Variants in STK32B observed in about 807,000 individuals in gnomAD.
STK32B encodes the protein serine/threonine kinase 32B.
In STK32B, 43 loss-of-function variants were observed where a neutral mutation model predicts 52.6. That is an observed-to-expected ratio of 0.82 (90% CI 0.64 to 1.05). STK32B has a LOEUF of 1.05. Ranked by LOEUF, STK32B falls within the 50% of genes least tolerant of loss-of-function variation. The probability of loss-of-function intolerance (pLI) is 0.00; values close to 1 mark genes in which losing one functional copy is unlikely to be tolerated. For synonymous variants in STK32B, 238 were observed against 204.3 expected (o/e 1.17, Z -1.41); for missense variants, 621 against 534.6 (o/e 1.16, Z -1.59).
chr4:5,360,822 A>G (rs1312176641), intron 4 of STK32B, among the ~76,000 whole-genome samples: 2 of 152,224 alleles, frequency 1.3e-5, no homozygotes, highest in Non-Finnish European at 2.9e-5. Flanking sequence ...AACAAAAACA[A>G]CAACAACAAA....
intron 1 of STK32B, among the ~76,000 whole-genome samples, chr4:5,115,610 C>T (rs1418316299): frequency 6.6e-6 from 1 of 151,144 alleles, no homozygotes; most frequent in Non-Finnish European, 1.5e-5. Context: ...CAGTTATCCA[C>T]ACAGGGAAAC....
chr4:5,095,942 T>C (rs544670539), intron 1 of STK32B, among the ~76,000 whole-genome samples: 5 of 152,338 alleles, frequency 3.3e-5, no homozygotes, highest in African/African-American at 1.2e-4. Context: ...AAGATTTAAG[T>C]GAAAAAGCTG....
At chr4:5,171,318 C>T (rs1291161757) in intron 3 of STK32B, among the ~76,000 whole-genome samples, 1 of 151,944 alleles carries the variant, frequency 6.6e-6, no homozygotes, top group African/African-American at 2.4e-5. Context: ...TTAATGAGAT[C>T]CCATTTGTCA....
chr4:5,493,201 T>C (rs1210201444), intron 11 of STK32B, among the ~76,000 whole-genome samples: 4 of 152,140 alleles, frequency 2.6e-5, no homozygotes, highest in South Asian at 4.1e-4. Flanking sequence ...TGTGAATCCA[T>C]CTGGTCCTGG....
chr4:5,323,301 TCCA>T (rs1731646153), intron 3 of STK32B, among the ~76,000 whole-genome samples: 2 of 151,840 alleles, frequency 1.3e-5, no homozygotes, highest in Non-Finnish European at 2.9e-5. Context: ...CAAGTCCCCC[TCCA>T]CCAGCCAGGC....
intron 3 of STK32B, among the ~76,000 whole-genome samples, chr4:5,176,006 G>A (rs370319306): frequency 6.0e-4 from 92 of 152,332 alleles, no homozygotes; most frequent in Non-Finnish European, 4.7e-4. Flanking sequence ...AATGGTGGGC[G>A]CCCCTCCCCA....
At chr4:5,036,659 A>AT in the STK32B span, among the ~76,000 whole-genome samples, 1,452 of 74,240 alleles carry the variant, frequency 0.02, 56 homozygotes, top group African/African-American at 0.027. Context: ...GCAAGGGTGG[A>AT]TTTTTTTTTT....
chr4:5,132,564 A>G (rs900240167), intron 1 of STK32B, among the ~76,000 whole-genome samples: 1 of 152,196 alleles, frequency 6.6e-6, no homozygotes, highest in African/African-American at 2.4e-5. Context: ...ATGGGATCAC[A>G]AGCTGAGGAA....
intron 3 of STK32B, among the ~76,000 whole-genome samples, chr4:5,220,046 A>G (rs775203864): frequency 8.5e-5 from 13 of 152,180 alleles, no homozygotes; most frequent in Non-Finnish European, 1.6e-4. Context: ...TATTGTACAC[A>G]CTAAAGCTTT....
chr4:5,102,436 GCTTCCTTC>G (rs201942952), intron 1 of STK32B, among the ~76,000 whole-genome samples: 1,469 of 105,198 alleles, frequency 0.014, 34 homozygotes, highest in African/African-American at 0.035. Flanking sequence ...CTCCTTCCTT[GCTTCCTTC>G]CTTCCTTCCT....
At chr4:5,351,292 AAATC>A (rs1229712510) in intron 4 of STK32B, among the ~76,000 whole-genome samples, 1 of 152,142 alleles carries the variant, frequency 6.6e-6, no homozygotes, top group Non-Finnish European at 1.5e-5. Flanking sequence ...ATAAAACTAG[AAATC>A]AATACCAAGA....
chr4:5,338,516 C>T (rs568173682), intron 4 of STK32B, among the ~76,000 whole-genome samples: 6 of 152,242 alleles, frequency 3.9e-5, no homozygotes, highest in African/African-American at 1.2e-4. Context: ...TTACTGTAGC[C>T]ATTCATGAAC....
At chr4:5,440,395 G>C (rs1169314397) in intron 6 of STK32B, among the ~76,000 whole-genome samples, 1 of 152,030 alleles carries the variant, frequency 6.6e-6, no homozygotes, top group Non-Finnish European at 1.5e-5. Flanking sequence ...TCATGATTTG[G>C]CACTCTGTTT....
rs917568264 is a variant in STK32B at position 5,366,072 on chromosome 4, G to C, written c.435-32135G>C. Reference sequence around the variant, plus strand: ...GCCTACCTGGAACCTACTTACAAAAGAAACTAGGCCAACCTGTCAATGGAA... The same window carrying C: ...GCCTACCTGGAACCTACTTACAAAACAAACTAGGCCAACCTGTCAATGGAA... On this transcript the variant is annotated intron_variant, in intron 4 of 11. Coordinates refer to ENST00000282908, the MANE Select transcript of STK32B (RefSeq NM_018401.3). Among the ~76,000 whole-genome samples, 59 of 151,960 alleles carry C rather than the reference G, an allele frequency of 3.9e-4. 1 individual carries two copies. Among genetic ancestry groups the C allele is most frequent in the Middle Eastern group, 3.4e-3 (1 of 294 alleles).
At chr4:5,385,941 C>T (rs1208657041) in intron 4 of STK32B, among the ~76,000 whole-genome samples, 2 of 71,754 alleles carry the variant, frequency 2.8e-5, no homozygotes, top group Admixed American at 3.1e-4. Flanking sequence ...CCCACAGCCC[C>T]CACTCACAGC....
chr4:5,398,458 C>T lies in STK32B; in HGVS notation c.472+214C>T, dbSNP rs1458689207. Among the ~76,000 whole-genome samples, 2 of 152,204 alleles carry T rather than the reference C, an allele frequency of 1.3e-5. No individual in the cohort carries two copies. The highest frequency in any genetic ancestry group is 1.5e-5 in the Non-Finnish European group (1 of 68,036). On this transcript the variant is annotated intron_variant, in intron 5 of 11. Coordinates refer to ENST00000282908, the MANE Select transcript of STK32B (RefSeq NM_018401.3). The surrounding 1 kb of genome is among the most constrained non-coding windows in gnomAD (Gnocchi z 4.9). ...GAATCAAAGTTATTTAAACTGTTCG[C>T]ATCTGAAGTCATTGCTGTTCATATC...
At chr4:5,243,852 T>C (rs1031500592) in intron 3 of STK32B, among the ~76,000 whole-genome samples, 1 of 152,204 alleles carries the variant, frequency 6.6e-6, no homozygotes, top group Non-Finnish European at 1.5e-5. Flanking sequence ...GGTTTTTGTC[T>C]TTGGTTCTGT....
At chr4:5,265,024 GGTA>G (rs1325857957) in intron 3 of STK32B, among the ~76,000 whole-genome samples, 5 of 152,070 alleles carry the variant, frequency 3.3e-5, no homozygotes, top group Non-Finnish European at 2.9e-5. Flanking sequence ...ATATCACAAA[GGTA>G]GTCTTCTGTG....
intron 3 of STK32B, among the ~76,000 whole-genome samples, chr4:5,266,034 A>G (rs1234851554): frequency 6.6e-6 from 1 of 152,188 alleles, no homozygotes; most frequent in African/African-American, 2.4e-5. Context: ...CTTTCTAGGT[A>G]TTGGTTTCCT....
Sources: allele counts gnomAD v4.1 joint callset (sites outside exome capture counted in the v4.1 genomes callset), GRCh38; gene constraint gnomAD v4.1.1; non-coding constraint Gnocchi (gnomAD v3.1); transcripts MANE v1.5; gene names NCBI Gene and HGNC (gene_info 2026-07-23, HGNC 2026-07-21).